ZNF541: variants seen among roughly 807,000 people sequenced by gnomAD.
ZNF541 encodes the protein zinc finger protein 541.
In ZNF541, 23 loss-of-function variants were observed where a neutral mutation model predicts 123.5. The observed-to-expected ratio is 0.19, with a 90% CI of 0.13 to 0.26. ZNF541 has a LOEUF of 0.26. ZNF541 is among the 10% of genes least tolerant of loss of function. ZNF541 has a pLI of 1.00. For synonymous variants in ZNF541, 751 were observed against 754.5 expected, an observed-to-expected ratio of 1.00 and a Z score of 0.08; for missense variants, 1,612 against 1,789.9, an observed-to-expected ratio of 0.90 and a Z score of 1.79.
chr19:47,560,737 C>G (rs1971027898), intron 2 of ZNF541, among the ~76,000 whole-genome samples: 1 of 152,116 alleles, frequency 6.6e-6, no homozygotes, highest in African/African-American at 2.4e-5. Context: ...GAGCTGAAAA[C>G]TTCAGTCCAC....
chr19:47,556,238 G>A (rs1358843690), intron 2 of ZNF541, among the ~76,000 whole-genome samples: 3 of 152,162 alleles, frequency 2.0e-5, no homozygotes, highest in Non-Finnish European at 2.9e-5. Flanking sequence ...ACATATACAT[G>A]TATGACAAAA....
At position 47,521,133 on chromosome 19, in the gene ZNF541, G is replaced by A. The variant is rs1969004964; in HGVS notation, c.*91C>T. 2 of 1,451,932 alleles carry A rather than the reference G, an allele frequency of 1.4e-6. No individual in the cohort carries two copies. Among genetic ancestry groups the A allele is most frequent in the Non-Finnish European group, 1.8e-6 (2 of 1,086,618 alleles). The allele number at this position is 1,451,932 out of a possible 1,614,324, so 89.9% of individuals were successfully genotyped here. ...GCCAACAGGGGACAGGGAGGGTGGG[G>A]GGAGGCAGAGGGGTGCCCCAAACGC... On this transcript the variant is annotated 3_prime_UTR_variant, in exon 17 of 17. Transcript: ENST00000391901. The surrounding 1 kb of genome is among the most constrained non-coding windows in gnomAD (Gnocchi z 4.2).
At chr19:47,558,996 G>A (rs908468730) in intron 2 of ZNF541, among the ~76,000 whole-genome samples, 11 of 151,008 alleles carry the variant, frequency 7.3e-5, no homozygotes, top group Non-Finnish European at 1.0e-4. Flanking sequence ...CACCCGCCTC[G>A]GCCTCCCAAA....
rs141991441 is a variant in ZNF541, at chr19:47,554,229, G to A, written c.307+1321C>T. The stretch of plus-strand genomic sequence containing the variant: ...TAGGCAGATTGCTTGAGCTCAGTTC[G>A]AGACCAGACTGGGAAACATAGTGAA... On this transcript the variant is annotated intron_variant, in intron 3 of 16. Transcript: ENST00000391901. Among the ~76,000 whole-genome samples the A allele has an allele frequency of 7.9e-5, 12 of 152,206 alleles. 1 individual carries two copies. Among genetic ancestry groups the A allele is most frequent in the African/African-American group, 2.2e-4 (9 of 41,528 alleles).
chr19:47,567,457 C>T (rs973674965), intron 2 of ZNF541, among the ~76,000 whole-genome samples: 1 of 152,166 alleles, frequency 6.6e-6, no homozygotes, highest in East Asian at 1.9e-4. Flanking sequence ...TGGGGTTTCA[C>T]CATGTTGGCT....
chr19:47,561,721 T>C (rs1971070846), intron 2 of ZNF541, among the ~76,000 whole-genome samples: 1 of 152,010 alleles, frequency 6.6e-6, no homozygotes, highest in Non-Finnish European at 1.5e-5. Flanking sequence ...GTTTTGTTTT[T>C]TTTTTAGCTC....
chr19:47,562,163 C>A (rs766604226), intron 2 of ZNF541, among the ~76,000 whole-genome samples: 1 of 152,126 alleles, frequency 6.6e-6, no homozygotes, highest in African/African-American at 2.4e-5. Context: ...GCAGGAGAAT[C>A]GCTTGAACTC....
At chr19:47,533,840 AT>A (rs1969695578) in intron 9 of ZNF541, among the ~76,000 whole-genome samples, 1 of 152,162 alleles carries the variant, frequency 6.6e-6, no homozygotes, top group Admixed American at 6.5e-5. Context: ...TCTCAAAAAA[AT>A]AAAAAATAAA....
chr19:47,546,872 A>G (rs1970381469), intron 4 of ZNF541, among the ~76,000 whole-genome samples: 1 of 152,132 alleles, frequency 6.6e-6, no homozygotes, highest in Non-Finnish European at 1.5e-5. Context: ...GGTGCGTGCC[A>G]CCACGCCCAG....
rs189749127 is a variant in ZNF541 at position 47,568,722 on chromosome 19, G to C, written c.-99+3174C>G. Among the ~76,000 whole-genome samples the C allele has an allele frequency of 2.6e-5, 4 of 152,232 alleles. No homozygotes were observed. In the East Asian group the frequency reaches 7.7e-4, roughly 29 times the overall value. On this transcript the variant is annotated intron_variant, in intron 2 of 16. Transcript: ENST00000391901. ...AAGTCTCTCTCTGTCACTCAGGCTG[G>C]AGTGCAATGGCGTGGCCTTGGCTCA...
chr19:47,544,457 T>A lies in ZNF541; in HGVS notation c.2072A>T (p.Asp691Val). 6.4e-7 allele frequency: 1 copy of A among 1,551,606 alleles called. No individual in the cohort carries two copies. The highest frequency in any genetic ancestry group is 8.7e-7 in the Non-Finnish European group (1 of 1,146,986). ...CCGTTGGCCTGTGGAGGGGAAGATG[T>A]CCTCCAGGTCCAAGGTCCCTTTAGA... ...RSSKGTLDLE[D>V]IFPSTGQRQT... The change falls in exon 5 of 17, where the codon GAC becomes GTC. Residue 691 changes from aspartate (D) to valine (V), a missense_variant. Coordinates refer to ENST00000391901, the MANE Select transcript of ZNF541 (RefSeq NM_001277075.3).
At chr19:47,546,075 T>G in intron 4 of ZNF541, 95 bp from the exon 5 acceptor site, 1 of 1,078,572 alleles carries the variant, frequency 9.3e-7, no homozygotes, top group Non-Finnish European at 1.3e-6. Flanking sequence ...TGTGGTACAG[T>G]TGCACCACAA....
At chr19:47,559,629 C>G (rs1009694885) in intron 2 of ZNF541, among the ~76,000 whole-genome samples, 1 of 152,072 alleles carries the variant, frequency 6.6e-6, no homozygotes, top group Non-Finnish European at 1.5e-5. Context: ...ATGGGCAGAT[C>G]ACCTGAGGCC....
intron 2 of ZNF541, among the ~76,000 whole-genome samples, chr19:47,565,480 G>T (rs1227047348): frequency 6.6e-6 from 1 of 152,124 alleles, no homozygotes; most frequent in East Asian, 1.9e-4. Flanking sequence ...AGAGGATGGA[G>T]GGGGATTTAG....
intron 3 of ZNF541, among the ~76,000 whole-genome samples, chr19:47,553,359 C>G (rs1423213898): frequency 6.6e-6 from 1 of 151,658 alleles, no homozygotes; most frequent in Non-Finnish European, 1.5e-5. Context: ...CTGCCTCAGC[C>G]TCCCGAGTAG....
Position 47,545,140 on chromosome 19 carries a change from G to A in ZNF541, c.1389C>T (p.Gly463=). The A allele has an allele frequency of 1.3e-6, 2 of 1,483,230 alleles. No individual in the cohort carries two copies. 91.9% of individuals were successfully genotyped at this position (1,483,230 alleles called of 1,614,324 possible). The change falls in exon 5 of 17, where the codon GGC becomes GGT. Residue 463 remains glycine, a synonymous_variant. Transcript: ENST00000391901. The surrounding 1 kb of genome is among the most constrained non-coding windows in gnomAD (Gnocchi z 7.5). ...GAGCATCCTCCAGGCCACCGCCGGG[G>A]CCGGGCGGGGACTCCTCCGAGGGGC... ...SGSPSEESPP[G]PGGGLEDALP...
In ZNF541 at chr19:47,538,451, T is replaced by C; in HGVS notation, c.2797-12A>G. On this transcript the variant is annotated splice_polypyrimidine_tract_variant and intron_variant, in intron 8 of 16. Coordinates refer to ENST00000391901, the MANE Select transcript of ZNF541 (RefSeq NM_001277075.3). The stretch of plus-strand genomic sequence containing the variant: ...TCTTTCTCTTGTCCCTGAAGAAGTT[T>C]AGAACCACAGGTGGTCGCCTGAAGC... The C allele has an allele frequency of 6.7e-7, 1 of 1,487,148 alleles. No individual in the cohort carries two copies. Among genetic ancestry groups the C allele is most frequent in the Non-Finnish European group, 9.0e-7 (1 of 1,115,872 alleles). 92.1% of individuals were successfully genotyped at this position (1,487,148 alleles called of 1,614,324 possible).
At chr19:47,568,122 CATGAGTGACAGA>C (rs1971337705) in intron 2 of ZNF541, among the ~76,000 whole-genome samples, 1 of 152,126 alleles carries the variant, frequency 6.6e-6, no homozygotes, top group Non-Finnish European at 1.5e-5. Flanking sequence ...CCTTTTCATT[CATGAGTGACAGA>C]ATTCCATTGT....
At chr19:47,558,418 AAAAT>A (rs932198496) in intron 2 of ZNF541, among the ~76,000 whole-genome samples, 1 of 151,864 alleles carries the variant, frequency 6.6e-6, no homozygotes, top group Non-Finnish European at 1.5e-5. Context: ...TCCATCTCAA[AAAAT>A]AAATAAATAA....
Sources: allele counts gnomAD v4.1 joint callset (sites outside exome capture counted in the v4.1 genomes callset), GRCh38; gene constraint gnomAD v4.1.1; non-coding constraint Gnocchi (gnomAD v3.1); transcripts MANE v1.5; gene names NCBI Gene and HGNC (gene_info 2026-07-23, HGNC 2026-07-21).